The following FBXL2 variants were observed in gnomAD, a reference collection of about 807,000 sequenced individuals.
The protein encoded by FBXL2 is F-box and leucine rich repeat protein 2.
Under a neutral mutation model 69.2 loss-of-function variants are expected in FBXL2, and 38 were observed. That is an observed-to-expected ratio of 0.55 (90% CI 0.42 to 0.72). FBXL2 has a LOEUF of 0.72. Among genes scored for constraint, FBXL2 ranks in the 30% least tolerant of loss-of-function variants. The pLI, the probability that FBXL2 is intolerant of heterozygous loss-of-function variation, is 0.00. For synonymous variants in FBXL2, 192 were observed against 201.3 expected (o/e 0.95, Z 0.39); for missense variants, 354 against 520.3 (o/e 0.68, Z 3.11).
At chr3:33,408,769 G>C in the FBXL2 span, 1 of 1,613,838 alleles carries the variant, frequency 6.2e-7, no homozygotes, top group Non-Finnish European at 8.5e-7. Context: ...ATGTTCAACT[G>C]CATCTTCAAT....
downstream of FBXL2, chr3:33,390,424 T>C: frequency 6.3e-7 from 1 of 1,596,972 alleles, no homozygotes; most frequent in Non-Finnish European, 8.6e-7. Context: ...ATTAAGCCTA[T>C]TAAATGGAAA....
At chr3:33,390,943 A>G (rs1357040892), downstream of FBXL2, 1 of 152,364 alleles carries the variant, frequency 6.6e-6, no homozygotes, top group Non-Finnish European at 1.5e-5. Context: ...TTGAGATTAG[A>G]GGGGAGATCC....
At chr3:33,337,222 CAAAA>C (rs910938992) in intron 2 of FBXL2, among the ~76,000 whole-genome samples, 1 of 151,774 alleles carries the variant, frequency 6.6e-6, no homozygotes, top group East Asian at 1.9e-4. Flanking sequence ...AACAAACAAA[CAAAA>C]AAACCTTAAG....
At chr3:33,295,352 C>CT (rs2035636445) in intron 1 of FBXL2, among the ~76,000 whole-genome samples, 1 of 152,160 alleles carries the variant, frequency 6.6e-6, no homozygotes, top group Admixed American at 6.5e-5. Flanking sequence ...AATATGTACC[C>CT]TTTTTTGTCT....
At chr3:33,414,511 C>T in the FBXL2 span, among the ~76,000 whole-genome samples, 1 of 152,076 alleles carries the variant, frequency 6.6e-6, no homozygotes, top group Non-Finnish European at 1.5e-5. Context: ...CAAGAAGTTC[C>T]AAAGCACCTT....
At chr3:33,354,424 G>T (rs1255014041) in intron 2 of FBXL2, among the ~76,000 whole-genome samples, 2 of 151,854 alleles carry the variant, frequency 1.3e-5, no homozygotes, top group Non-Finnish European at 2.9e-5. Flanking sequence ...TGAGACAGGA[G>T]AATTGCTTGA....
intron 2 of FBXL2, among the ~76,000 whole-genome samples, chr3:33,304,923 A>G (rs1391817475): frequency 1.3e-5 from 2 of 151,972 alleles, no homozygotes; most frequent in East Asian, 1.9e-4. Flanking sequence ...TCATATGTTT[A>G]TTAGTCACAC....
chr3:33,416,508 T>C, the FBXL2 span, among the ~76,000 whole-genome samples: 33 of 152,358 alleles, frequency 2.2e-4, no homozygotes, highest in Admixed American at 2.0e-4. Flanking sequence ...GTTTTTGTTG[T>C]GGTGATGAGT....
At chr3:33,300,750 C>A (rs1575120877) in intron 2 of FBXL2, among the ~76,000 whole-genome samples, 1 of 150,808 alleles carries the variant, frequency 6.6e-6, no homozygotes, top group Non-Finnish European at 1.5e-5. Flanking sequence ...GCTCTGTTGC[C>A]CAGGCTGGAG....
At chr3:33,314,798 C>A (rs1485790531) in intron 2 of FBXL2, among the ~76,000 whole-genome samples, 1 of 152,098 alleles carries the variant, frequency 6.6e-6, no homozygotes, top group African/African-American at 2.4e-5. Context: ...AACTCGGAAG[C>A]CAATACAAGT....
chr3:33,286,070 G>A (rs931223182), intron 1 of FBXL2, among the ~76,000 whole-genome samples: 4 of 152,172 alleles, frequency 2.6e-5, no homozygotes, highest in African/African-American at 9.7e-5. Context: ...GCTTTGTTCT[G>A]TTGCTGGCAA....
chr3:33,326,572 A>G (rs1464501068), intron 2 of FBXL2, among the ~76,000 whole-genome samples: 2 of 151,904 alleles, frequency 1.3e-5, no homozygotes, highest in Non-Finnish European at 2.9e-5. Flanking sequence ...CTTTTCAATG[A>G]TACTATTAAA....
At chr3:33,412,598 G>C in the FBXL2 span, 1 of 540,554 alleles carries the variant, frequency 1.8e-6, no homozygotes, top group Non-Finnish European at 3.2e-6. Context: ...AAAAAAAAAA[G>C]ACACAAAATC....
chr3:33,317,512 C>T (rs1435714335), intron 2 of FBXL2: 2 of 456,538 alleles, frequency 4.4e-6, no homozygotes, highest in South Asian at 3.1e-5. Flanking sequence ...AACAATAAAA[C>T]TTGTAAAAAG....
chr3:33,395,992 C>T (rs1175417096), intron 12 of FBXL2, among the ~76,000 whole-genome samples: 2 of 152,188 alleles, frequency 1.3e-5, no homozygotes, highest in African/African-American at 2.4e-5. Flanking sequence ...CCTCTTCTCC[C>T]AAGGACTTCA....
chr3:33,316,505 A>G (rs2037708493), intron 2 of FBXL2, among the ~76,000 whole-genome samples: 1 of 151,988 alleles, frequency 6.6e-6, no homozygotes, highest in Non-Finnish European at 1.5e-5. Flanking sequence ...ATTAGTGTGG[A>G]CCCCTCCACT....
intron 12 of FBXL2, chr3:33,398,079 G>A (rs908975516): frequency 7.2e-5 from 11 of 152,302 alleles, no homozygotes; most frequent in Non-Finnish European, 1.3e-4. Context: ...GGCTGCATGG[G>A]AGTTCATCAT....
At chr3:33,417,776 A>G in the FBXL2 span, among the ~76,000 whole-genome samples, 1 of 152,230 alleles carries the variant, frequency 6.6e-6, no homozygotes, top group Non-Finnish European at 1.5e-5. Context: ...AATGCTTATA[A>G]TATCACATGA....
intron 1 of FBXL2, among the ~76,000 whole-genome samples, chr3:33,284,152 T>C (rs1172751144): frequency 1.3e-5 from 2 of 152,256 alleles, no homozygotes; most frequent in Non-Finnish European, 2.9e-5. Context: ...AGAGTGTCAA[T>C]TTTAGATCTT....
Sources: gnomAD v4.1 joint callset for allele counts (sites outside exome capture counted in the v4.1 genomes callset) on GRCh38, gnomAD v4.1.1 for gene constraint, MANE v1.5 for transcripts, NCBI Gene and HGNC (gene_info 2026-07-23, HGNC 2026-07-21) for gene names.